The following ATP2A3 variants were observed in gnomAD, a reference collection of about 807,000 sequenced individuals.
ATP2A3 encodes the protein ATPase sarcoplasmic/endoplasmic reticulum Ca2+ transporting 3, also known as sarcoplasmic/endoplasmic reticulum calcium ATPase 3.
ATP2A3 carries 61 observed loss-of-function variants against 106.8 expected under a neutral mutation model. The observed-to-expected ratio is 0.57, with a 90% CI of 0.46 to 0.71. The LOEUF (loss-of-function observed/expected upper bound fraction) is 0.71, where lower values mean the gene tolerates loss of function less well. ATP2A3 is among the 30% of genes least tolerant of loss of function. The pLI, the probability that ATP2A3 is intolerant of heterozygous loss-of-function variation, is 0.00. For synonymous variants in ATP2A3, 611 were observed against 609.3 expected (o/e 1.00, Z -0.04); for missense variants, 1,201 against 1,423.5 (o/e 0.84, Z 2.52).
At chr17:3,931,883 C>T (rs1262791064) in intron 17 of ATP2A3, among the ~76,000 whole-genome samples, 4 of 152,182 alleles carry the variant, frequency 2.6e-5, no homozygotes, top group South Asian at 2.1e-4. Flanking sequence ...CAAAGAAAAA[C>T]GTGTAAAATG....
At position 3,952,531 on chromosome 17, in the gene ATP2A3, C is replaced by T. The variant is rs530326492; in HGVS notation, c.219+816G>A. Among the ~76,000 whole-genome samples the T allele has an allele frequency of 7.0e-4, 107 of 152,310 alleles. 1 individual carries two copies. The highest frequency in any genetic ancestry group is 2.4e-3 in the African/African-American group (101 of 41,568). The stretch of plus-strand genomic sequence containing the variant: ...ACACTGGGATCCACGGAAGGGGCTC[C>T]GGCAGCAGCACTCAGCCAGGGACAA... On this transcript the variant is annotated intron_variant, in intron 3 of 20. Transcript: ENST00000397041.
In ATP2A3 at chr17:3,936,788, A is replaced by C; in HGVS notation, c.2322-319T>G. Reference sequence around the variant, plus strand: ...AAGAGGGCATGCCCAAGAATCAGACATGTGCAAAAACCTAGCACATGCCAC... The same window carrying C: ...AAGAGGGCATGCCCAAGAATCAGACCTGTGCAAAAACCTAGCACATGCCAC... On this transcript the variant is annotated intron_variant, in intron 15 of 20. Transcript: ENST00000397041. The surrounding 1 kb of genome is among the most constrained non-coding windows in gnomAD (Gnocchi z 5.4). 1 of 423,644 alleles carries C rather than the reference A, an allele frequency of 2.4e-6. No individual in the cohort carries two copies. Among genetic ancestry groups the C allele is most frequent in the Non-Finnish European group, 4.4e-6 (1 of 224,948 alleles). 26.2% of individuals were successfully genotyped at this position (423,644 alleles called of 1,614,324 possible).
chr17:3,954,702 G>A (rs570092016), intron 1 of ATP2A3, among the ~76,000 whole-genome samples: 6 of 152,038 alleles, frequency 3.9e-5, no homozygotes, highest in South Asian at 4.2e-4. Context: ...TCACTATGTT[G>A]GCCAGGGTGG....
intron 17 of ATP2A3, among the ~76,000 whole-genome samples, chr17:3,931,682 C>T (rs1273629477): frequency 5.3e-5 from 8 of 152,094 alleles, no homozygotes; most frequent in South Asian, 2.1e-4. Flanking sequence ...CCACCACGCC[C>T]GGCTAATTTT....
At chr17:3,937,916 A>T (rs777728659) in intron 14 of ATP2A3, among the ~76,000 whole-genome samples, 16 of 152,152 alleles carry the variant, frequency 1.1e-4, no homozygotes, top group Non-Finnish European at 1.8e-4. Context: ...GTCAGCGATG[A>T]GGGTAGGGAT....
chr17:3,963,901 C>T (rs1038131234), intron 1 of ATP2A3, among the ~76,000 whole-genome samples: 4 of 152,012 alleles, frequency 2.6e-5, no homozygotes, highest in Admixed American at 6.5e-5. Flanking sequence ...GTGGACGGGG[C>T]CGGAGTGGAG....
intron 7 of ATP2A3, 117 bp downstream of exon 7, chr17:3,950,394 C>T (rs1373040596): frequency 9.5e-7 from 1 of 1,051,372 alleles, no homozygotes; most frequent in Admixed American, 1.9e-5. Context: ...GAACTCCTGA[C>T]CTCAGGTGAT....
rs71381543 is a variant in ATP2A3 at position 3,939,786 on chromosome 17, TAAAA to T, written c.2100+1181_2100+1184del. ...CTGGGTGACAGAGCGAGACTCTGTCTAAAAAAAAAAAAAAAAAAAAAAAAAAGCA... is the reference window on the plus strand; with the variant it reads ...CTGGGTGACAGAGCGAGACTCTGTCTAAAAAAAAAAAAAAAAAAAAAAGCA... On this transcript the variant is annotated intron_variant, in intron 14 of 20. Transcript: ENST00000397041. 4.4e-4 allele frequency among the ~76,000 whole-genome samples: 22 copies of T among 50,526 alleles called. 2 individuals are homozygous for T. The highest frequency in any genetic ancestry group is 1.1e-3 in the African/African-American group (18 of 16,122). The allele number at this position is 50,526 out of a possible 152,430, so 33.1% of individuals were successfully genotyped here. A position where few individuals can be genotyped will look rare whatever the true frequency, so the allele number is the denominator to read the frequency against.
rs375008636 is a variant in ATP2A3, at chr17:3,928,629, G to A, written c.2980+34C>T. 6.6e-7 allele frequency: 1 copy of A among 1,519,386 alleles called. No individual in the cohort carries two copies. The highest frequency in any genetic ancestry group is 8.9e-7 in the Non-Finnish European group (1 of 1,119,062). The allele number at this position is 1,519,386 out of a possible 1,614,324, so 94.1% of individuals were successfully genotyped here. A position where few individuals can be genotyped will look rare whatever the true frequency, so the allele number is the denominator to read the frequency against. ...CCCAGGAGCAGAGGCGGGCGGGGAG[G>A]CAGGCTGGAGGCGGGACGGGGCCTC... On this transcript the variant is annotated intron_variant, in intron 20 of 20. Transcript: ENST00000397041. This position sits in a 1 kb window ranked among gnomAD's most constrained non-coding sequence, Gnocchi z 6.1.
intron 8 of ATP2A3, 123 bp from the exon 9 acceptor site, chr17:3,945,271 C>G: frequency 6.0e-6 from 5 of 838,796 alleles, no homozygotes; most frequent in Non-Finnish European, 7.4e-6. Context: ...CCGGCCTGGC[C>G]GTCCGTGCCC....
At position 3,927,639 on chromosome 17, in the gene ATP2A3, A is replaced by G. The variant is rs374288647; in HGVS notation, c.2980+1024T>C. The G allele has an allele frequency of 1.0e-4, 102 of 985,400 alleles. No homozygotes were observed. In the East Asian group the frequency reaches 6.7e-3, roughly 65 times the overall value. The allele number at this position is 985,400 out of a possible 1,614,324, so 61.0% of individuals were successfully genotyped here. A position where few individuals can be genotyped will look rare whatever the true frequency, so the allele number is the denominator to read the frequency against. ...GGCCAGAAAGAACCAGACAGGGGGC[A>G]GAATGGCCTTGCTCAGCTCCCCCCA... On this transcript the variant is annotated intron_variant, in intron 20 of 20. Coordinates refer to ENST00000397041, the MANE Select transcript of ATP2A3 (RefSeq NM_005173.4).
rs1457728504 is a variant in ATP2A3 at position 3,929,546 on chromosome 17, T to C, written c.2745-101A>G. Reference sequence around the variant, plus strand: ...GCCTCACCACTTCTCTAGCGGTGCATTGCTGTTGCCCGCTCGGCCTGCCAG... The same window carrying C: ...GCCTCACCACTTCTCTAGCGGTGCACTGCTGTTGCCCGCTCGGCCTGCCAG... On this transcript the variant is annotated intron_variant, in intron 18 of 20. Transcript: ENST00000397041. The surrounding 1 kb of genome is among the most constrained non-coding windows in gnomAD (Gnocchi z 4.3). 4.7e-5 allele frequency: 48 copies of C among 1,030,002 alleles called. No homozygotes were observed. The highest frequency in any genetic ancestry group is 7.9e-5 in the East Asian group (3 of 38,188). The allele number at this position is 1,030,002 out of a possible 1,614,324, so 63.8% of individuals were successfully genotyped here.
chr17:3,936,144 C>T lies in ATP2A3; in HGVS notation c.2524+123G>A, dbSNP rs2053429164. On this transcript the variant is annotated intron_variant, in intron 16 of 20. Transcript: ENST00000397041. The surrounding 1 kb of genome is among the most constrained non-coding windows in gnomAD (Gnocchi z 5.4). The stretch of plus-strand genomic sequence containing the variant: ...CCGCCATGCCTGGTCTTTTCCATTA[C>T]ATGAGCTCATACAGTTTCTACTGGC... The T allele has an allele frequency of 3.1e-6, 4 of 1,282,128 alleles. No individual in the cohort carries two copies. The highest frequency in any genetic ancestry group is 4.5e-6 in the Non-Finnish European group (4 of 888,060). 79.4% of individuals were successfully genotyped at this position (1,282,128 alleles called of 1,614,324 possible).
rs2054416675 is a variant in ATP2A3, at chr17:3,951,342, A to G, written c.372T>C (p.Pro124=). The part of the protein sequence containing the change: ...SAIEALKEYE[P]EMGKVIRSDR... ...CCGAGCGGATCACCTTGCCCATCTC[A>G]GGCTCATACTCCTTCAGGGCCTCGA... Residue 124 remains proline, a synonymous_variant, in exon 5 of 21, where the codon CCT becomes CCC. Coordinates refer to ENST00000397041, the MANE Select transcript of ATP2A3 (RefSeq NM_005173.4). 6.2e-7 allele frequency: 1 copy of G among 1,613,520 alleles called. No homozygotes were observed. Among genetic ancestry groups the G allele is most frequent in the East Asian group, 2.2e-5 (1 of 44,886 alleles).
rs1399371162 is a variant in ATP2A3 at position 3,930,338 on chromosome 17, C to T, written c.2707G>A (p.Val903Met). ...SRFPTTMALS[V>M]LVTIEMCNAL... Reference sequence around the variant, plus strand: ...TTGCACATTTCAATGGTCACGAGCACGGACAAGGCCATGGTGGTGGGGAAG... The same window carrying T: ...TTGCACATTTCAATGGTCACGAGCATGGACAAGGCCATGGTGGTGGGGAAG... The change falls in exon 18 of 21, where the codon GTG becomes ATG. Residue 903 changes from valine to methionine, a missense_variant. Transcript: ENST00000397041. This position sits in a 1 kb window ranked among gnomAD's most constrained non-coding sequence, Gnocchi z 5.4. 1.2e-6 allele frequency: 2 copies of T among 1,611,418 alleles called. No individual in the cohort carries two copies. The highest frequency in any genetic ancestry group is 1.7e-6 in the Non-Finnish European group (2 of 1,178,828).
intron 17 of ATP2A3, among the ~76,000 whole-genome samples, chr17:3,932,710 G>A (rs1341763703): frequency 6.6e-6 from 1 of 152,076 alleles, no homozygotes; most frequent in Non-Finnish European, 1.5e-5. Context: ...AGAGTGCTGG[G>A]ATTATAGGCG....
rs770373449 is a variant in ATP2A3, at chr17:3,953,523, C to G, written c.137-94G>C. 9.9e-6 allele frequency: 15 copies of G among 1,520,078 alleles called. No homozygotes were observed. The highest frequency in any genetic ancestry group is 1.4e-5 in the Non-Finnish European group (15 of 1,101,928). 94.2% of individuals were successfully genotyped at this position (1,520,078 alleles called of 1,614,324 possible). The stretch of plus-strand genomic sequence containing the variant: ...CCCGGGAGACCTCCCGGCCCATTCC[C>G]TCCCTGCACTCAGAAGAGGGAGAAC... On this transcript the variant is annotated intron_variant, in intron 2 of 20. Coordinates refer to ENST00000397041, the MANE Select transcript of ATP2A3 (RefSeq NM_005173.4). This position sits in a 1 kb window ranked among gnomAD's most constrained non-coding sequence, Gnocchi z 5.1.
intron 15 of ATP2A3, 46 bp downstream of exon 15, chr17:3,937,370 A>T: frequency 1.3e-6 from 2 of 1,586,476 alleles, no homozygotes. Flanking sequence ...TCTCAGGGGC[A>T]CAGAGCGGAT....
chr17:3,951,632 G>A lies in ATP2A3; in HGVS notation c.273C>T (p.Pro91=), dbSNP rs2054449396. 1.2e-6 allele frequency: 2 copies of A among 1,606,836 alleles called. No individual in the cohort carries two copies. Among genetic ancestry groups the A allele is most frequent in the East Asian group, 4.5e-5 (2 of 44,720 alleles). Residue 91 remains proline (P), a synonymous_variant, in exon 4 of 21, where the codon CCC becomes CCT. Coordinates refer to ENST00000397041, the MANE Select transcript of ATP2A3 (RefSeq NM_005173.4). ...CCACGAGGATCAGCATGATGACCAG[G>A]GGCTCCACGAAGGCGGTCGTGGTCT... ...GEETTTAFVE[P]LVIMLILVAN...
Sources: allele counts gnomAD v4.1 joint callset (sites outside exome capture counted in the v4.1 genomes callset), GRCh38; gene constraint gnomAD v4.1.1; non-coding constraint Gnocchi (gnomAD v3.1); transcripts MANE v1.5; gene names NCBI Gene and HGNC (gene_info 2026-07-23, HGNC 2026-07-21).